Variants in CFAP299 observed in about 807,000 individuals in gnomAD.
CFAP299 encodes cilia and flagella associated protein 299.
In CFAP299, 21 loss-of-function variants were observed where a neutral mutation model predicts 27.0. That is an observed-to-expected ratio of 0.78 (90% CI 0.55 to 1.12). The LOEUF (loss-of-function observed/expected upper bound fraction) is 1.12, where lower values mean the gene tolerates loss of function less well. Ranked by LOEUF, CFAP299 falls within the 50% of genes most tolerant of loss-of-function variation. The probability of loss-of-function intolerance (pLI) is 0.00; values close to 1 mark genes in which losing one functional copy is unlikely to be tolerated. For synonymous variants in CFAP299, 104 were observed against 98.1 expected, an observed-to-expected ratio of 1.06 and a Z score of -0.36; for missense variants, 310 against 276.6, an observed-to-expected ratio of 1.12 and a Z score of -0.86.
At chr4:80,454,151 A>G (rs1289246853) in intron 2 of CFAP299, among the ~76,000 whole-genome samples, 1 of 151,974 alleles carries the variant, frequency 6.6e-6, no homozygotes, top group Admixed American at 6.6e-5. Context: ...TGAGAGAGGT[A>G]TTGGAAGGTG....
At chr4:80,858,243 C>G (rs374591690) in intron 3 of CFAP299, among the ~76,000 whole-genome samples, 3 of 151,968 alleles carry the variant, frequency 2.0e-5, no homozygotes, top group Non-Finnish European at 4.4e-5. Context: ...TCTGTGGGAT[C>G]GGTGGTGATA....
intron 4 of CFAP299, among the ~76,000 whole-genome samples, chr4:80,941,314 A>C (rs75598166): frequency 0.042 from 6,377 of 152,264 alleles, 398 homozygotes; most frequent in African/African-American, 0.13. Context: ...TAAACTGCTC[A>C]GAGAGAATTC....
At chr4:80,326,921 T>C in the CFAP299 span, among the ~76,000 whole-genome samples, 1 of 152,350 alleles carries the variant, frequency 6.6e-6, no homozygotes, top group African/African-American at 2.4e-5. Flanking sequence ...TAATTTTATA[T>C]ATTTGTATTA....
At chr4:80,628,504 T>C (rs1739030669) in intron 3 of CFAP299, among the ~76,000 whole-genome samples, 1 of 152,068 alleles carries the variant, frequency 6.6e-6, no homozygotes, top group South Asian at 2.1e-4. Context: ...ACTCAAAAGC[T>C]TCTGTGCAGC....
chr4:80,830,958 A>G (rs1225475261), intron 3 of CFAP299, among the ~76,000 whole-genome samples: 1 of 152,116 alleles, frequency 6.6e-6, no homozygotes, highest in Non-Finnish European at 1.5e-5. Flanking sequence ...AATTTTCCCA[A>G]TACTCTACAA....
intron 3 of CFAP299, among the ~76,000 whole-genome samples, chr4:80,862,980 A>G (rs1732475709): frequency 6.6e-6 from 1 of 152,136 alleles, no homozygotes; most frequent in African/African-American, 2.4e-5. Flanking sequence ...AAAATCACTT[A>G]TGTTCTGAAA....
intron 2 of CFAP299, among the ~76,000 whole-genome samples, chr4:80,562,640 A>T (rs1277163788): frequency 2.7e-5 from 4 of 149,330 alleles, no homozygotes; most frequent in African/African-American, 9.9e-5. Context: ...CCTAGGCAAT[A>T]CAGCGAGACT....
chr4:80,646,840 A>G lies in CFAP299; in HGVS notation c.333+63657A>G, dbSNP rs1202727646. Among the ~76,000 whole-genome samples the G allele has an allele frequency of 2.6e-5, 4 of 152,172 alleles. No individual in the cohort carries two copies. In the East Asian group the frequency reaches 7.7e-4, roughly 29 times the overall value. Reference sequence around the variant, plus strand: ...TTTAGTTGTGCTAATGAGGTGATATAAATGCCAAATGGATTAATAATTAAT... The same window carrying G: ...TTTAGTTGTGCTAATGAGGTGATATGAATGCCAAATGGATTAATAATTAAT... On this transcript the variant is annotated intron_variant, in intron 3 of 5. Transcript: ENST00000358105.
At chr4:80,845,293 T>TTC (rs201846435) in intron 3 of CFAP299, among the ~76,000 whole-genome samples, 2,228 of 150,882 alleles carry the variant, frequency 0.015, 58 homozygotes, top group African/African-American at 0.051. Context: ...TTTTTTTTTT[T>TTC]AAAAGACCGT....
chr4:80,375,140 C>T (rs920472356), intron 2 of CFAP299, among the ~76,000 whole-genome samples: 2 of 152,082 alleles, frequency 1.3e-5, no homozygotes, highest in Non-Finnish European at 2.9e-5. Context: ...TTAAAAGGCT[C>T]AGGAAAATGG....
rs1737819480 is a variant in CFAP299 at position 80,608,874 on chromosome 4, TGTG to T, written c.333+25692_333+25694del. Reference sequence around the variant, plus strand: ...CTTACACGATGCATGTGTGTGTGTGTGTGTGTGTGTGTGTGTATGTGCACAGAG... The same window carrying T: ...CTTACACGATGCATGTGTGTGTGTGTTGTGTGTGTGTGTATGTGCACAGAG... On this transcript the variant is annotated intron_variant, in intron 3 of 5. Coordinates refer to ENST00000358105, the MANE Select transcript of CFAP299 (RefSeq NM_152770.3). Among the ~76,000 whole-genome samples, 3 of 151,726 alleles carry T rather than the reference TGTG, an allele frequency of 2.0e-5. No homozygotes were observed. The South Asian group carries it at 6.2e-4, about 32-fold the overall frequency.
At chr4:80,805,051 G>T (rs1197130536) in intron 3 of CFAP299, among the ~76,000 whole-genome samples, 1 of 151,622 alleles carries the variant, frequency 6.6e-6, no homozygotes. Context: ...TTTTCTTTGT[G>T]GTTATCATGG....
At chr4:80,915,881 T>C (rs183980487) in intron 4 of CFAP299, among the ~76,000 whole-genome samples, 2 of 152,246 alleles carry the variant, frequency 1.3e-5, no homozygotes, top group Admixed American at 1.3e-4. Flanking sequence ...TTTTTTAGCA[T>C]ATTTATCAAA....
chr4:80,673,428 G>A (rs1467588870), intron 3 of CFAP299, among the ~76,000 whole-genome samples: 7 of 152,046 alleles, frequency 4.6e-5, no homozygotes, highest in African/African-American at 1.4e-4. Flanking sequence ...CTTTACTTCC[G>A]ACTATGTGGT....
intron 2 of CFAP299, among the ~76,000 whole-genome samples, chr4:80,507,708 T>C (rs1454651690): frequency 6.6e-6 from 1 of 152,138 alleles, no homozygotes; most frequent in Non-Finnish European, 1.5e-5. Context: ...CACTTCTGCT[T>C]TCCTTTTCCA....
At chr4:80,859,914 T>A (rs1218685414) in intron 3 of CFAP299, among the ~76,000 whole-genome samples, 1 of 152,164 alleles carries the variant, frequency 6.6e-6, no homozygotes, top group East Asian at 1.9e-4. Flanking sequence ...TCGAGGAGTA[T>A]CTTTGTGACA....
chr4:80,435,900 T>C (rs1728046055), intron 2 of CFAP299, among the ~76,000 whole-genome samples: 1 of 152,188 alleles, frequency 6.6e-6, no homozygotes, highest in African/African-American at 2.4e-5. Context: ...TATAAACTTT[T>C]ATTTTAGTTT....
At chr4:80,379,533 A>G (rs1724589155) in intron 2 of CFAP299, among the ~76,000 whole-genome samples, 1 of 151,894 alleles carries the variant, frequency 6.6e-6, no homozygotes, top group African/African-American at 2.4e-5. Context: ...TTGAAATTCC[A>G]TATGTTTTCC....
At chr4:80,865,861 T>C (rs1169573839) in intron 3 of CFAP299, among the ~76,000 whole-genome samples, 2 of 127,362 alleles carry the variant, frequency 1.6e-5, no homozygotes, top group South Asian at 2.5e-4. Flanking sequence ...CAGGTGGGAA[T>C]TGAACAATGA....
Sources: gnomAD v4.1 joint callset for allele counts (sites outside exome capture counted in the v4.1 genomes callset) on GRCh38, gnomAD v4.1.1 for gene constraint, MANE v1.5 for transcripts, NCBI Gene and HGNC (gene_info 2026-07-23, HGNC 2026-07-21) for gene names.